Variants in RFT1 observed in about 807,000 individuals in gnomAD.
RFT1 encodes the protein RFT1 glycolipid translocator homolog, also known as man(5)GlcNAc(2)-PP-dolichol translocation protein RFT1.
A neutral mutation model predicts 62.2 loss-of-function variants in RFT1; 43 were observed. The ratio of observed to expected loss-of-function variants is 0.69; its 90% CI spans 0.54 to 0.89. The LOEUF (loss-of-function observed/expected upper bound fraction) is 0.89. RFT1 is among the 40% of genes least tolerant of loss of function. The probability of loss-of-function intolerance (pLI) is 0.00; values close to 1 mark genes in which losing one functional copy is unlikely to be tolerated. For synonymous variants in RFT1, 262 were observed against 264.6 expected, an observed-to-expected ratio of 0.99 and a Z score of 0.10; for missense variants, 605 against 649.9, an observed-to-expected ratio of 0.93 and a Z score of 0.75.
the RFT1 span, among the ~76,000 whole-genome samples, chr3:53,074,011 G>A: frequency 2.6e-5 from 4 of 152,190 alleles, no homozygotes; most frequent in Non-Finnish European, 4.4e-5. Flanking sequence ...TAGGTCTGCG[G>A]GGCCCCGGTG....
the RFT1 span, among the ~76,000 whole-genome samples, chr3:53,081,577 G>A: frequency 6.6e-6 from 1 of 152,166 alleles, no homozygotes; most frequent in African/African-American, 2.4e-5. Context: ...TGACAGATGA[G>A]GAAACTGAGG....
rs369800703 is a variant in RFT1, at chr3:53,091,969, C to G, written c.1560G>C (p.Glu520Asp). The G allele has an allele frequency of 4.3e-5, 69 of 1,614,270 alleles. No individual in the cohort carries two copies. In the South Asian group the frequency reaches 7.5e-4, roughly 17 times the overall value. Residue 520 changes from glutamate to aspartate, a missense_variant, in exon 13 of 13, where the codon GAG (glutamate) becomes GAC (aspartate). Glu to Asp is a conservative substitution (Grantham distance 45). Transcript: ENST00000296292. The stretch of plus-strand genomic sequence containing the variant: ...TCCTGAGGAAATGGATCAGCTTGGT[C>G]TCTGTGAGGAATGCTGTCCCGAGAG... Reference protein sequence around the residue: ...GATLGTAFLTETKLIHFLRTQ... With the variant: ...GATLGTAFLTDTKLIHFLRTQ...
At chr3:53,094,343 T>G (rs1701079973) in intron 11 of RFT1, among the ~76,000 whole-genome samples, 1 of 117,018 alleles carries the variant, frequency 8.5e-6, no homozygotes, top group African/African-American at 3.3e-5. Flanking sequence ...GTGGTAAAAA[T>G]ACTACACGCA....
intron 11 of RFT1, among the ~76,000 whole-genome samples, chr3:53,098,388 G>A (rs970563726): frequency 3.3e-5 from 5 of 151,648 alleles, no homozygotes; most frequent in African/African-American, 1.2e-4. Context: ...AGCCAGCGCA[G>A]GAAAGGACAC....
chr3:53,085,138 C>T (rs1173183557), downstream of RFT1, among the ~76,000 whole-genome samples: 1 of 152,202 alleles, frequency 6.6e-6, no homozygotes, highest in African/African-American at 2.4e-5. Flanking sequence ...GTGCCTAGGC[C>T]TCTACCCTGA....
At chr3:53,081,671 C>T in the RFT1 span, among the ~76,000 whole-genome samples, 1 of 152,198 alleles carries the variant, frequency 6.6e-6, no homozygotes. Context: ...CTTCCCACTC[C>T]TTGGTGGTGC....
At chr3:53,087,715 C>T (rs1700885591), downstream of RFT1, among the ~76,000 whole-genome samples, 1 of 152,114 alleles carries the variant, frequency 6.6e-6, no homozygotes, top group African/African-American at 2.4e-5. Context: ...GAGATGGGGT[C>T]TCCCTGTGTT....
At chr3:53,125,502 G>C (rs1702084634) in intron 2 of RFT1, among the ~76,000 whole-genome samples, 1 of 152,238 alleles carries the variant, frequency 6.6e-6, no homozygotes. Context: ...GAAGGTGGCT[G>C]CTCCAGCCCT....
chr3:53,114,083 A>T (rs1175365927), intron 6 of RFT1, among the ~76,000 whole-genome samples: 1 of 152,164 alleles, frequency 6.6e-6, no homozygotes, highest in African/African-American at 2.4e-5. Flanking sequence ...CGGAACAAAG[A>T]GCACCAGACA....
chr3:53,077,034 C>A, the RFT1 span, among the ~76,000 whole-genome samples: 1 of 151,790 alleles, frequency 6.6e-6, no homozygotes, highest in Non-Finnish European at 1.5e-5. Context: ...TCCAGCCTTG[C>A]AGTATTGCTC....
At chr3:53,125,864 C>T (rs2107173004) in intron 2 of RFT1, 45 bp downstream of exon 2, 1 of 1,452,030 alleles carries the variant, frequency 6.9e-7, no homozygotes, top group Non-Finnish European at 9.7e-7. Context: ...GAAAGCCTGG[C>T]TAGGAAGGTG....
At chr3:53,103,175 AT>A (rs1701365464) in intron 10 of RFT1, 2 of 985,336 alleles carry the variant, frequency 2.0e-6, no homozygotes, top group South Asian at 9.4e-5. Context: ...AGACTAAAAC[AT>A]GCTAGTGAAC....
chr3:53,068,605 A>G, the RFT1 span, among the ~76,000 whole-genome samples: 16 of 151,712 alleles, frequency 1.1e-4, no homozygotes, highest in African/African-American at 3.9e-4. Context: ...TTCCAACATA[A>G]CATCCAAGAG....
intron 11 of RFT1, among the ~76,000 whole-genome samples, chr3:53,093,597 C>A (rs1462172922): frequency 6.6e-6 from 1 of 152,148 alleles, no homozygotes; most frequent in Non-Finnish European, 1.5e-5. Flanking sequence ...CCAGATTCTG[C>A]ACATGAGGGG....
At chr3:53,109,194 T>C (rs1290328947) in intron 7 of RFT1, among the ~76,000 whole-genome samples, 6 of 152,186 alleles carry the variant, frequency 3.9e-5, no homozygotes, top group African/African-American at 1.4e-4. Flanking sequence ...CTAGTGTGTC[T>C]TTTCTGCAGG....
the RFT1 span, among the ~76,000 whole-genome samples, chr3:53,068,966 T>C: frequency 3.3e-5 from 5 of 152,168 alleles, no homozygotes; most frequent in Non-Finnish European, 7.4e-5. Context: ...TGAGATGGAG[T>C]TTCACTTTTG....
chr3:53,082,584 C>G, the RFT1 span, among the ~76,000 whole-genome samples: 1 of 152,116 alleles, frequency 6.6e-6, no homozygotes, highest in Admixed American at 6.5e-5. Context: ...AGGGGTTGAC[C>G]CCAGTTGTGT....
At position 53,091,626 on chromosome 3, in the gene RFT1, T is replaced by G. The variant is rs1700989484; in HGVS notation, c.*277A>C. On this transcript the variant is annotated 3_prime_UTR_variant, in exon 13 of 13. Coordinates refer to ENST00000296292, the MANE Select transcript of RFT1 (RefSeq NM_052859.4). The stretch of plus-strand genomic sequence containing the variant: ...ATCATACGCAAAAGGAATGAGTATA[T>G]TAGTAAAAGAGAAAATGCTGATTAC... 1 of 457,920 alleles carries G rather than the reference T, an allele frequency of 2.2e-6. No individual in the cohort carries two copies. Among genetic ancestry groups the G allele is most frequent in the Non-Finnish European group, 4.0e-6 (1 of 249,748 alleles). The allele number at this position is 457,920 out of a possible 1,614,324, so 28.4% of individuals were successfully genotyped here.
At chr3:53,121,570 C>G in intron 5 of RFT1, 129 bp downstream of exon 5, 2 of 764,696 alleles carry the variant, frequency 2.6e-6, no homozygotes. Context: ...TAAGGCCACC[C>G]TTCTGGTGCT....
Sources: allele counts gnomAD v4.1 joint callset (sites outside exome capture counted in the v4.1 genomes callset), GRCh38; gene constraint gnomAD v4.1.1; transcripts MANE v1.5; gene names NCBI Gene and HGNC (gene_info 2026-07-23, HGNC 2026-07-21).